Variants in ASS1 observed in about 807,000 individuals in gnomAD.
The protein encoded by ASS1 is argininosuccinate synthase 1.
ASS1 carries 58 observed loss-of-function variants against 60.5 expected under a neutral mutation model. The observed-to-expected ratio is 0.96, with a 90% CI of 0.78 to 1.19. ASS1 has a LOEUF of 1.19. ASS1 is among the 50% of genes most tolerant of loss of function. The pLI, the probability that ASS1 is intolerant of heterozygous loss-of-function variation, is 0.00. For synonymous variants in ASS1, 200 were observed against 206.9 expected, an observed-to-expected ratio of 0.97 and a Z score of 0.29; for missense variants, 454 against 547.3, an observed-to-expected ratio of 0.83 and a Z score of 1.70.
intron 14 of ASS1, among the ~76,000 whole-genome samples, chr9:130,499,816 C>T (rs965925397): frequency 2.6e-5 from 4 of 152,160 alleles, no homozygotes; most frequent in South Asian, 2.1e-4. Flanking sequence ...TGTGTCCCAC[C>T]GGGTGCCTCT....
intron 2 of ASS1, 134 bp downstream of exon 2, chr9:130,452,467 A>G: frequency 1.3e-6 from 1 of 784,580 alleles, no homozygotes; most frequent in Non-Finnish European, 2.2e-6. Flanking sequence ...CTTCTCTCGA[A>G]GCCTGTCTTG....
At chr9:130,462,830 A>G (rs945053175) in intron 4 of ASS1, among the ~76,000 whole-genome samples, 9 of 152,200 alleles carry the variant, frequency 5.9e-5, no homozygotes, top group Non-Finnish European at 8.8e-5. Flanking sequence ...CAGTGAGTTA[A>G]TTATGCATGG....
chr9:130,444,729 G>C (rs1303243942), upstream of ASS1, among the ~76,000 whole-genome samples: 3 of 151,926 alleles, frequency 2.0e-5, no homozygotes, highest in African/African-American at 7.2e-5. This position sits in a 1 kb window ranked among gnomAD's most constrained non-coding sequence, Gnocchi z 4.7. Flanking sequence ...CTGGGAGGGT[G>C]AGCCGGCGCC....
intron 3 of ASS1, 27 bp downstream of exon 3, chr9:130,454,400 G>T (rs1651819930): frequency 1.2e-6 from 2 of 1,608,936 alleles, no homozygotes; most frequent in South Asian, 1.1e-5. Flanking sequence ...AGGGATTTGG[G>T]CTGGGAGTGG....
rs1010509460 is a variant in ASS1 at position 130,452,343 on chromosome 9, C to T, written c.105+10C>T. The T allele has an allele frequency of 1.7e-5, 28 of 1,609,406 alleles. No individual in the cohort carries two copies. Among genetic ancestry groups the T allele is most frequent in the Admixed American group, 3.3e-5 (2 of 59,988 alleles). On this transcript the variant is annotated intron_variant, in intron 2 of 14. Coordinates refer to ENST00000352480, the MANE Select transcript of ASS1 (RefSeq NM_054012.4). ...CGTCATTGCCTATCTGGTGAGGGAG[C>T]GACCTGGGTGTCTGTCTTCCTGCGT...
intron 3 of ASS1, 107 bp from the exon 4 acceptor site, chr9:130,458,294 G>A (rs922835120): frequency 8.7e-6 from 11 of 1,261,084 alleles, no homozygotes; most frequent in African/African-American, 2.9e-5. Flanking sequence ...CAGGTACAGC[G>A]GGGGTGGCCC....
At chr9:130,452,193 G>A (rs1048999357) in intron 1 of ASS1, 31 bp from the exon 2 acceptor site, 1 of 1,594,622 alleles carries the variant, frequency 6.3e-7, no homozygotes. Context: ...CTGTCTCAGG[G>A]TCACTCAGGT....
chr9:130,471,952 C>A (rs1182911701), intron 8 of ASS1, among the ~76,000 whole-genome samples: 1 of 152,030 alleles, frequency 6.6e-6, no homozygotes, highest in Non-Finnish European at 1.5e-5. Context: ...TTGTCTGGAT[C>A]CGTGTTGCAC....
chr9:130,492,092 A>C (rs1302354783), intron 12 of ASS1, among the ~76,000 whole-genome samples: 1 of 152,246 alleles, frequency 6.6e-6, no homozygotes, highest in East Asian at 1.9e-4. Flanking sequence ...TTTGTAAAGC[A>C]CCTGGAACAA....
At chr9:130,496,337 C>T (rs1199230001) in intron 13 of ASS1, among the ~76,000 whole-genome samples, 1 of 152,028 alleles carries the variant, frequency 6.6e-6, no homozygotes, top group African/African-American at 2.4e-5. Context: ...GGGAGCGTCT[C>T]TTGAGTCTGT....
intron 3 of ASS1, among the ~76,000 whole-genome samples, chr9:130,457,615 C>T (rs1845476465): frequency 6.6e-6 from 1 of 152,096 alleles, no homozygotes; most frequent in South Asian, 2.1e-4. Flanking sequence ...GTCCTGTGCA[C>T]GGGAGGATTT....
intron 13 of ASS1, among the ~76,000 whole-genome samples, chr9:130,495,498 C>G (rs950690280): frequency 6.6e-6 from 1 of 150,926 alleles, no homozygotes; most frequent in Non-Finnish European, 1.5e-5. Context: ...CACACACACA[C>G]ACATATATAT....
chr9:130,464,296 C>A, intron 5 of ASS1, 129 bp downstream of exon 5: 1 of 1,168,600 alleles, frequency 8.6e-7, no homozygotes, highest in Non-Finnish European at 1.3e-6. Flanking sequence ...GGGTGCCCAT[C>A]GGGTGGACAG....
At chr9:130,467,536 G>T (rs770421687) in intron 6 of ASS1, among the ~76,000 whole-genome samples, 1 of 152,146 alleles carries the variant, frequency 6.6e-6, no homozygotes, top group African/African-American at 2.4e-5. Context: ...CCAAGGTGCC[G>T]CGTGGTAGGG....
At chr9:130,469,202 C>T (rs1845815040) in intron 6 of ASS1, among the ~76,000 whole-genome samples, 1 of 152,242 alleles carries the variant, frequency 6.6e-6, no homozygotes. Flanking sequence ...AGAGTCCAGT[C>T]TTGCCTTGCA....
At chr9:130,497,947 C>T (rs1176247159) in intron 13 of ASS1, among the ~76,000 whole-genome samples, 1 of 152,168 alleles carries the variant, frequency 6.6e-6, no homozygotes, top group Non-Finnish European at 1.5e-5. Flanking sequence ...TCCTCCTCTT[C>T]CAGGGAATGC....
At chr9:130,479,220 G>A (rs1336750873) in intron 9 of ASS1, among the ~76,000 whole-genome samples, 1 of 152,116 alleles carries the variant, frequency 6.6e-6, no homozygotes, top group Non-Finnish European at 1.5e-5. Flanking sequence ...TCAGATGGCT[G>A]CGTGTGGGTC....
chr9:130,484,879 G>A (rs746955612), intron 11 of ASS1, among the ~76,000 whole-genome samples: 8 of 151,958 alleles, frequency 5.3e-5, no homozygotes, highest in Non-Finnish European at 5.9e-5. Context: ...TTTTTGATCC[G>A]TCACAATTAA....
intron 11 of ASS1, among the ~76,000 whole-genome samples, chr9:130,483,498 A>G (rs1846220042): frequency 6.7e-6 from 1 of 149,518 alleles, no homozygotes; most frequent in African/African-American, 2.5e-5. Context: ...ACATGTCATT[A>G]TCACATTATC....
Sources: allele counts gnomAD v4.1 joint callset (sites outside exome capture counted in the v4.1 genomes callset), GRCh38; gene constraint gnomAD v4.1.1; non-coding constraint Gnocchi (gnomAD v3.1); transcripts MANE v1.5; gene names NCBI Gene and HGNC (gene_info 2026-07-23, HGNC 2026-07-21).